PKHD1L1: variants seen among roughly 807,000 people sequenced by gnomAD.
The protein encoded by PKHD1L1 is fibrocystin-L.
PKHD1L1 carries 434 observed loss-of-function variants against 462.9 expected under a neutral mutation model. The observed-to-expected ratio is 0.94, with a 90% CI of 0.87 to 1.02. PKHD1L1 has a LOEUF of 1.02. Ranked by LOEUF, PKHD1L1 falls within the 50% of genes least tolerant of loss-of-function variation. The pLI, the probability that PKHD1L1 is intolerant of heterozygous loss-of-function variation, is 0.00. For missense variants in PKHD1L1, 5,202 were observed against 5,096.1 expected (o/e 1.02, Z -0.63); for synonymous variants, 1,781 against 1,750.0 (o/e 1.02, Z -0.44).
At chr8:109,417,542 G>A (rs561134812) in intron 21 of PKHD1L1, among the ~76,000 whole-genome samples, 10 of 151,858 alleles carry the variant, frequency 6.6e-5, no homozygotes, top group Admixed American at 3.3e-4. Context: ...GCTTCTAACA[G>A]GTATTTCTTT....
intron 55 of PKHD1L1, chr8:109,480,547 G>C (rs1266035804): frequency 2.2e-6 from 1 of 452,484 alleles, no homozygotes. Context: ...AGATGGAATT[G>C]TGAAAGCAAG....
Position 109,459,671 on chromosome 8 carries a change from C to A in PKHD1L1, c.7081C>A (p.Pro2361Thr). The change falls in exon 47 of 78, where the codon CCA (proline) becomes ACA (threonine). Residue 2361 changes from proline (P) to threonine (T), a missense_variant. Physicochemically the swap from Pro to Thr is conservative, Grantham distance 38 (BLOSUM62 -1). Transcript: ENST00000378402. ...TGGCATAAACATAACACTAAGTAAC[C>A]CACTAAATTACACACACTTAGGAAT... ...ADGINITLSN[P>T]LNYTHLGITV... 1 of 1,609,180 alleles carries A rather than the reference C, an allele frequency of 6.2e-7. No homozygotes were observed. The highest frequency in any genetic ancestry group is 1.7e-5 in the Admixed American group (1 of 59,504).
intron 21 of PKHD1L1, among the ~76,000 whole-genome samples, chr8:109,417,805 C>T (rs951116785): frequency 2.0e-5 from 3 of 152,208 alleles, no homozygotes; most frequent in African/African-American, 7.2e-5. Context: ...CCACTTCGGC[C>T]TCCCAAAGCT....
At chr8:109,370,755 G>T (rs1345109863) in intron 2 of PKHD1L1, among the ~76,000 whole-genome samples, 1 of 152,070 alleles carries the variant, frequency 6.6e-6, no homozygotes, top group Non-Finnish European at 1.5e-5. Context: ...GAGAACATGT[G>T]GTGTTTGGTT....
rs374155879 is a variant in PKHD1L1, at chr8:109,419,346, T to C, written c.2524+86T>C. On this transcript the variant is annotated intron_variant, in intron 22 of 77. Coordinates refer to ENST00000378402, the MANE Select transcript of PKHD1L1 (RefSeq NM_177531.6). ...TTATTTTTATATTCTGCAGTATGGA[T>C]AGAAACATTAATATCTAAATATTAA... 2.4e-4 allele frequency: 243 copies of C among 1,017,154 alleles called. 2 individuals are homozygous for C. The East Asian group carries it at 5.0e-3, about 21-fold the overall frequency. 63.0% of individuals were successfully genotyped at this position (1,017,154 alleles called of 1,614,324 possible).
chr8:109,477,191 A>G (rs748158884), intron 52 of PKHD1L1, 34 bp from the exon 53 acceptor site: 6 of 1,608,250 alleles, frequency 3.7e-6, no homozygotes, highest in African/African-American at 1.3e-5. Flanking sequence ...TTTGGTCACT[A>G]TGTTCATTTA....
rs779809400 is a variant in PKHD1L1, at chr8:109,444,812, C to A, written c.4943C>A (p.Ser1648Tyr). 1.2e-5 allele frequency: 20 copies of A among 1,613,830 alleles called. No homozygotes were observed. In the East Asian group the frequency reaches 4.0e-4, roughly 32 times the overall value. Residue 1648 changes from serine (S) to tyrosine (Y), a missense_variant, in exon 38 of 78, where the codon TCC (serine) becomes TAC (tyrosine). Coordinates refer to ENST00000378402, the MANE Select transcript of PKHD1L1 (RefSeq NM_177531.6). Reference sequence around the variant, plus strand: ...CTGGGCACTGCTATCAATACGTTGTCCAATGAATTTGATAGGCGATTTGTA... The same window carrying A: ...CTGGGCACTGCTATCAATACGTTGTACAATGAATTTGATAGGCGATTTGTA... ...YNLGTAINTLSNEFDRRFVLL... is the reference protein window; with the variant it reads ...YNLGTAINTLYNEFDRRFVLL...
intron 2 of PKHD1L1, among the ~76,000 whole-genome samples, chr8:109,373,105 T>C (rs902863570): frequency 3.5e-4 from 53 of 152,342 alleles, no homozygotes; most frequent in Non-Finnish European, 7.1e-4. Flanking sequence ...TGTCCTCTGG[T>C]AGAATTCGGC....
chr8:109,518,020 G>C (rs1297125959), intron 72 of PKHD1L1, 147 bp from the exon 73 acceptor site: 1 of 606,006 alleles, frequency 1.7e-6, no homozygotes, highest in Non-Finnish European at 2.8e-6. Flanking sequence ...AAGTGTTTTT[G>C]TTTTTAAAAA....
chr8:109,516,365 C>T (rs1427536102), intron 72 of PKHD1L1, among the ~76,000 whole-genome samples: 1 of 152,042 alleles, frequency 6.6e-6, no homozygotes, highest in African/African-American at 2.4e-5. Context: ...TTGCAGATGG[C>T]CACTTTCTTG....
In PKHD1L1 at chr8:109,384,136, T is replaced by C; in HGVS notation, c.475+9T>C. ...TTTATCTGGAACTCCAGGTCTGTTA[T>C]ATGACATCTGAAATAACTTTTGGTT... is the stretch of plus-strand genomic sequence containing the variant. On this transcript the variant is annotated intron_variant, in intron 5 of 77. Coordinates refer to ENST00000378402, the MANE Select transcript of PKHD1L1 (RefSeq NM_177531.6). The C allele has an allele frequency of 6.3e-7, 1 of 1,596,134 alleles. No individual in the cohort carries two copies. The highest frequency in any genetic ancestry group is 1.3e-5 in the African/African-American group (1 of 74,486).
intron 75 of PKHD1L1, 49 bp from the exon 76 acceptor site, chr8:109,523,184 A>C: frequency 6.7e-7 from 1 of 1,485,884 alleles, no homozygotes; most frequent in Non-Finnish European, 9.1e-7. Context: ...TTTTAAAAGC[A>C]TGGAAACAGG....
chr8:109,473,303 A>G (rs547927743), intron 50 of PKHD1L1, among the ~76,000 whole-genome samples: 2 of 152,166 alleles, frequency 1.3e-5, no homozygotes, highest in Admixed American at 1.3e-4. Context: ...CTTGAGGTCA[A>G]GAGTTCGAAA....
chr8:109,368,176 A>T (rs1811323690), intron 2 of PKHD1L1, among the ~76,000 whole-genome samples: 2 of 152,246 alleles, frequency 1.3e-5, no homozygotes, highest in South Asian at 4.1e-4. Context: ...ATTTTAAAAA[A>T]TCAGTAAGAT....
rs1259889754 is a variant in PKHD1L1 at position 109,461,828 on chromosome 8, G to A, written c.7303G>A (p.Asp2435Asn). The A allele has an allele frequency of 5.0e-6, 8 of 1,608,066 alleles. No homozygotes were observed. The highest frequency in any genetic ancestry group is 1.7e-5 in the Admixed American group (1 of 59,276). ...QGKFGEEIGS[D>N]QFGGCVMFHA... Reference sequence around the variant, plus strand: ...AAAGTTTGGAGAAGAAATAGGAAGTGACCAATTTGGAGGCTGCGTTATGTT... The same window carrying A: ...AAAGTTTGGAGAAGAAATAGGAAGTAACCAATTTGGAGGCTGCGTTATGTT... The change falls in exon 48 of 78, where the codon GAC becomes AAC. Residue 2435 changes from aspartate to asparagine, a missense_variant. By Grantham distance (23) the Asp-to-Asn change is conservative. This residue lies in a region of PKHD1L1 where 4,497 missense variants were observed against 4,336.8 expected (regional missense o/e 1.04). Coordinates refer to ENST00000378402, the MANE Select transcript of PKHD1L1 (RefSeq NM_177531.6).
rs1463478670 is a variant in PKHD1L1, at chr8:109,439,001, T to G, written c.3865T>G (p.Phe1289Val). The change falls in exon 32 of 78, where the codon TTC (phenylalanine) becomes GTC (valine). Residue 1289 changes from phenylalanine (F) to valine (V), a missense_variant. Coordinates refer to ENST00000378402, the MANE Select transcript of PKHD1L1 (RefSeq NM_177531.6). Reference protein sequence around the residue: ...GKTCQILHWNFTDIRCLLPKL... With the variant: ...GKTCQILHWNVTDIRCLLPKL... ...AACCTGCCAGATTCTTCACTGGAAC[T>G]TCACAGATATTAGATGCCTTTTGCC... is the stretch of plus-strand genomic sequence containing the variant. The G allele has an allele frequency of 1.2e-6, 2 of 1,613,736 alleles. No individual in the cohort carries two copies. The highest frequency in any genetic ancestry group is 3.3e-5 in the Admixed American group (2 of 60,004).
chr8:109,383,819 T>G (rs1415096638), intron 4 of PKHD1L1, among the ~76,000 whole-genome samples: 1 of 152,052 alleles, frequency 6.6e-6, no homozygotes, highest in African/African-American at 2.4e-5. Context: ...CCATCTCAAG[T>G]TAGAAACCTG....
chr8:109,488,394 A>T (rs2130911430), intron 59 of PKHD1L1, among the ~76,000 whole-genome samples: 1 of 152,108 alleles, frequency 6.6e-6, no homozygotes, highest in Middle Eastern at 3.4e-3. Context: ...GAACCTTTTC[A>T]TGTTGATGCC....
intron 76 of PKHD1L1, among the ~76,000 whole-genome samples, chr8:109,526,066 G>A (rs1820798704): frequency 1.3e-5 from 2 of 152,122 alleles, no homozygotes; most frequent in African/African-American, 2.4e-5. Flanking sequence ...TTATAGGAAG[G>A]AAAAATATAT....
Sources: allele counts gnomAD v4.1 joint callset (sites outside exome capture counted in the v4.1 genomes callset), GRCh38; gene constraint gnomAD v4.1.1; regional missense constraint gnomAD v4.1.1; transcripts MANE v1.5; gene names NCBI Gene and HGNC (gene_info 2026-07-23, HGNC 2026-07-21).